PCDHA9: variants seen among roughly 807,000 people sequenced by gnomAD.
PCDHA9 encodes protocadherin alpha 9.
PCDHA9 carries 62 observed loss-of-function variants against 62.0 expected under a neutral mutation model. The observed-to-expected ratio is 1.00, with a 90% confidence interval of 0.81 to 1.23. The LOEUF (loss-of-function observed/expected upper bound fraction) is 1.23, where lower values mean the gene tolerates loss of function less well. PCDHA9 is among the 50% of genes most tolerant of loss of function. The pLI, the probability that PCDHA9 is intolerant of heterozygous loss-of-function variation, is 0.00. For synonymous variants in PCDHA9, 557 were observed against 567.6 expected, an observed-to-expected ratio of 0.98 and a Z score of 0.27; for missense variants, 1,205 against 1,249.8, an observed-to-expected ratio of 0.96 and a Z score of 0.54.
In PCDHA9 at chr5:140,950,226, T is replaced by A. The variant is rs1478539445; in HGVS notation, c.2395-28723T>A. ...TGTTTACCTAGTCATTTACCATTTC[T>A]AGTGCCATTAATTTGTTCCTAAAGA... On this transcript the variant is annotated intron_variant, in intron 1 of 3. Coordinates refer to ENST00000532602, the MANE Select transcript of PCDHA9 (RefSeq NM_031857.2). 5.9e-5 allele frequency among the ~76,000 whole-genome samples: 9 copies of A among 152,018 alleles called. No homozygotes were observed. The East Asian group carries it at 1.7e-3, about 29-fold the overall frequency.
intron 1 of PCDHA9, among the ~76,000 whole-genome samples, chr5:140,898,431 A>G (rs1482364069): frequency 6.6e-6 from 1 of 152,182 alleles, no homozygotes; most frequent in East Asian, 1.9e-4. Context: ...TCCCAGCACC[A>G]TTTATTAAAT....
intron 1 of PCDHA9, among the ~76,000 whole-genome samples, chr5:140,944,308 C>T (rs1385219466): frequency 6.6e-6 from 1 of 152,138 alleles, no homozygotes; most frequent in Non-Finnish European, 1.5e-5. Context: ...CTACCTCAGC[C>T]TCCTGAGTAG....
At chr5:140,876,493 C>G in intron 1 of PCDHA9, 1 of 1,614,008 alleles carries the variant, frequency 6.2e-7, no homozygotes, top group South Asian at 1.1e-5. Flanking sequence ...GGTGGAAGTT[C>G]TGGACGTGAA....
chr5:140,913,178 A>G (rs2076245523), intron 1 of PCDHA9, among the ~76,000 whole-genome samples: 1 of 152,156 alleles, frequency 6.6e-6, no homozygotes, highest in African/African-American at 2.4e-5. Context: ...TCTTCTTTAA[A>G]TGTTTGGTAG....
intron 1 of PCDHA9, chr5:140,857,571 C>A (rs782707848): frequency 7.5e-6 from 12 of 1,596,630 alleles, no homozygotes; most frequent in Non-Finnish European, 9.4e-6. Flanking sequence ...AGCTACGTGT[C>A]GGTGCACGCG....
At chr5:140,914,778 T>G (rs942539067) in intron 1 of PCDHA9, among the ~76,000 whole-genome samples, 1 of 152,138 alleles carries the variant, frequency 6.6e-6, no homozygotes, top group African/African-American at 2.4e-5. Flanking sequence ...ATGACTTATC[T>G]TATGACCCAT....
rs2150499938 is a variant in PCDHA9 at position 140,850,836 on chromosome 5, G to A, written c.2341G>A (p.Gly781Arg). ...CAGCCCGGGCCTTTCTCCTTGTGCT[G>A]GATCTACAGAGCGAACGGGAGAACC... is the stretch of plus-strand genomic sequence containing the variant. ...AFSPGLSPCA[G>R]STERTGEPSA... The change falls in exon 1 of 4, where the codon GGA (glycine) becomes AGA (arginine). Residue 781 changes from glycine to arginine, a missense_variant. By Grantham distance (125) the Gly-to-Arg change is moderately radical. Coordinates refer to ENST00000532602, the MANE Select transcript of PCDHA9 (RefSeq NM_031857.2). The A allele has an allele frequency of 1.2e-5, 19 of 1,597,640 alleles. 1 individual carries two copies. Among genetic ancestry groups the A allele is most frequent in the South Asian group, 3.3e-5 (3 of 90,540 alleles).
intron 1 of PCDHA9, chr5:140,855,922 T>G: frequency 8.1e-7 from 1 of 1,227,842 alleles, no homozygotes; most frequent in South Asian, 1.5e-5. Flanking sequence ...GACTAGGAAG[T>G]AGCGTCATTC....
intron 1 of PCDHA9, among the ~76,000 whole-genome samples, chr5:140,933,894 A>G (rs2089494206): frequency 6.6e-6 from 1 of 151,894 alleles, no homozygotes; most frequent in Non-Finnish European, 1.5e-5. Context: ...ACTTTTGAAT[A>G]TTTTGGCATA....
At chr5:140,901,033 T>C (rs2153472378) in intron 1 of PCDHA9, among the ~76,000 whole-genome samples, 1 of 152,364 alleles carries the variant, frequency 6.6e-6, no homozygotes, top group South Asian at 2.1e-4. Flanking sequence ...TTCAACTCTT[T>C]TGCCCATTTT....
In PCDHA9 at chr5:140,879,783, G is replaced by C. The variant is rs182330190; in HGVS notation, c.2394+28894G>C. Among the ~76,000 whole-genome samples, 12 of 152,280 alleles carry C rather than the reference G, an allele frequency of 7.9e-5. No homozygotes were observed. In the East Asian group the frequency reaches 2.3e-3, roughly 29 times the overall value. ...TTTGGAGGCCCCAGGGAAGAATCTGGTTTTTGTTTCTTCCAGTTTCTATTG... is the reference window on the plus strand; with the variant it reads ...TTTGGAGGCCCCAGGGAAGAATCTGCTTTTTGTTTCTTCCAGTTTCTATTG... On this transcript the variant is annotated intron_variant, in intron 1 of 3. Coordinates refer to ENST00000532602, the MANE Select transcript of PCDHA9 (RefSeq NM_031857.2).
rs781793178 is a variant in PCDHA9 at position 140,857,329 on chromosome 5, G to A, written c.2394+6440G>A. ...CCTATGAGCTGGTGGTGACCGCGCGGGACGGGGGCTCGCCTCCGCTGTGGG... is the reference window on the plus strand; with the variant it reads ...CCTATGAGCTGGTGGTGACCGCGCGAGACGGGGGCTCGCCTCCGCTGTGGG... On this transcript the variant is annotated intron_variant, in intron 1 of 3. Coordinates refer to ENST00000532602, the MANE Select transcript of PCDHA9 (RefSeq NM_031857.2). 1.7e-5 allele frequency: 27 copies of A among 1,598,568 alleles called. 1 individual carries two copies. In the South Asian group the frequency reaches 2.9e-4, roughly 17 times the overall value.
intron 1 of PCDHA9, among the ~76,000 whole-genome samples, chr5:140,919,139 C>T (rs1294020429): frequency 6.6e-6 from 1 of 152,120 alleles, no homozygotes; most frequent in Non-Finnish European, 1.5e-5. Context: ...TTTTGGGGCT[C>T]TATTATTAGA....
At chr5:140,861,618 C>T (rs1035938345) in intron 1 of PCDHA9, 1 of 340,802 alleles carries the variant, frequency 2.9e-6, no homozygotes, top group Non-Finnish European at 6.0e-6. Flanking sequence ...AGACAACCTG[C>T]CAGTGTTCTC....
chr5:140,851,595 G>C (rs1470017891), intron 1 of PCDHA9: 1 of 919,210 alleles, frequency 1.1e-6, no homozygotes, highest in South Asian at 5.0e-5. Context: ...TTGAAATTCA[G>C]TTTACAGAAA....
intron 1 of PCDHA9, among the ~76,000 whole-genome samples, chr5:140,934,631 G>A (rs2089960013): frequency 6.6e-6 from 1 of 151,984 alleles, no homozygotes; most frequent in African/African-American, 2.4e-5. Flanking sequence ...GTTCACACAG[G>A]AAAGGCAGGA....
rs529968685 is a variant in PCDHA9 at position 140,857,928 on chromosome 5, C to T, written c.2394+7039C>T. ...ATCCCGTTTCGCGTGGGGCTGTACA[C>T]GGGCGAGATCAGTACGACGCGCGCT... On this transcript the variant is annotated intron_variant, in intron 1 of 3. Coordinates refer to ENST00000532602, the MANE Select transcript of PCDHA9 (RefSeq NM_031857.2). The T allele has an allele frequency of 2.5e-6, 4 of 1,597,668 alleles. No individual in the cohort carries two copies. In the South Asian group the frequency reaches 3.3e-5, roughly 13 times the overall value.
At chr5:140,894,043 C>G (rs1562874850) in intron 1 of PCDHA9, among the ~76,000 whole-genome samples, 1 of 152,050 alleles carries the variant, frequency 6.6e-6, no homozygotes, top group Non-Finnish European at 1.5e-5. Flanking sequence ...AATGTAAGTC[C>G]TCTGTTGAAT....
chr5:140,978,860 A>G, intron 1 of PCDHA9, 89 bp from the exon 2 acceptor site: 1 of 1,598,356 alleles, frequency 6.3e-7, no homozygotes, highest in African/African-American at 1.3e-5. Context: ...GCCTGGAAAT[A>G]TTTAAGGGAG....
Sources: allele counts gnomAD v4.1 joint callset (sites outside exome capture counted in the v4.1 genomes callset), GRCh38; gene constraint gnomAD v4.1.1; transcripts MANE v1.5; gene names NCBI Gene and HGNC (gene_info 2026-07-23, HGNC 2026-07-21).